Variants in RIMKLB observed in about 807,000 individuals in gnomAD.
The protein encoded by RIMKLB is beta-citrylglutamate synthase B.
A neutral mutation model predicts 32.0 loss-of-function variants in RIMKLB; 7 were observed. The observed-to-expected ratio is 0.22, with a 90% CI of 0.12 to 0.41. The LOEUF (loss-of-function observed/expected upper bound fraction) is 0.41. Among genes scored for constraint, RIMKLB ranks in the 10% least tolerant of loss-of-function variants. RIMKLB has a pLI of 1.00. For synonymous variants in RIMKLB, 172 were observed against 185.1 expected (o/e 0.93, Z 0.57); for missense variants, 289 against 498.7 (o/e 0.58, Z 4.00).
chr12:8,673,995 G>A, the RIMKLB span, among the ~76,000 whole-genome samples: 1 of 152,038 alleles, frequency 6.6e-6, no homozygotes, highest in African/African-American at 2.4e-5. Flanking sequence ...ACCATGTTCT[G>A]TTGGTTCAAA....
chr12:8,776,625 A>G lies in RIMKLB; in HGVS notation c.*2841A>G, dbSNP rs1487423783. ...ACCCATGATGAAAACTGGACTTTAT[A>G]TATCTAAACATACAAGTATGAACTA... is the stretch of plus-strand genomic sequence containing the variant. On this transcript the variant is annotated 3_prime_UTR_variant, in exon 6 of 6. Coordinates refer to ENST00000535829, the MANE Select transcript of RIMKLB (RefSeq NM_001297776.2). 2.2e-6 allele frequency: 2 copies of G among 904,054 alleles called. No individual in the cohort carries two copies. The highest frequency in any genetic ancestry group is 2.6e-6 in the Non-Finnish European group (2 of 756,166). The allele number at this position is 904,054 out of a possible 1,614,324, so 56.0% of individuals were successfully genotyped here.
At chr12:8,712,454 C>G (rs1944454348) in intron 1 of RIMKLB, among the ~76,000 whole-genome samples, 1 of 152,138 alleles carries the variant, frequency 6.6e-6, no homozygotes, top group South Asian at 2.1e-4. Context: ...ATTAAATATT[C>G]AGAACTGCTA....
intron 1 of RIMKLB, among the ~76,000 whole-genome samples, chr12:8,686,639 C>T (rs1209482319): frequency 2.6e-5 from 4 of 151,038 alleles, no homozygotes; most frequent in African/African-American, 9.9e-5. Context: ...GCCACCACGC[C>T]CGGCTAATTT....
chr12:8,779,851 A>G (rs1037909039), downstream of RIMKLB: 2 of 152,152 alleles, frequency 1.3e-5, no homozygotes, highest in African/African-American at 4.8e-5. Context: ...TACAACTGCT[A>G]TTACATTTGT....
chr12:8,768,054 G>A (rs1950113421), intron 5 of RIMKLB, among the ~76,000 whole-genome samples: 2 of 152,182 alleles, frequency 1.3e-5, no homozygotes, highest in Admixed American at 1.3e-4. Flanking sequence ...CTGACCTGGG[G>A]TTCTTGGCCT....
intron 5 of RIMKLB, among the ~76,000 whole-genome samples, chr12:8,771,223 C>CT (rs1362679105): frequency 1.3e-5 from 2 of 152,114 alleles, no homozygotes; most frequent in Non-Finnish European, 2.9e-5. Context: ...CCAGCAAGGC[C>CT]TGTATGTTCA....
At chr12:8,751,871 C>CTGT (rs754666566) in intron 3 of RIMKLB, 86 bp from the exon 4 acceptor site, 31 of 831,456 alleles carry the variant, frequency 3.7e-5, no homozygotes, top group Non-Finnish European at 6.1e-5. Context: ...CTTCCTTGTG[C>CTGT]TGTTGGTTGT....
chr12:8,671,422 T>C, the RIMKLB span, among the ~76,000 whole-genome samples: 1 of 152,060 alleles, frequency 6.6e-6, no homozygotes. Context: ...GATAATTTTG[T>C]ATTTTTTAGT....
chr12:8,775,637 A>G lies in RIMKLB; in HGVS notation c.*1853A>G. 2.0e-6 allele frequency: 2 copies of G among 985,850 alleles called. No individual in the cohort carries two copies. Among genetic ancestry groups the G allele is most frequent in the South Asian group, 4.7e-5 (1 of 21,288 alleles). 61.1% of individuals were successfully genotyped at this position (985,850 alleles called of 1,614,324 possible). On this transcript the variant is annotated 3_prime_UTR_variant, in exon 6 of 6. Transcript: ENST00000535829. Reference sequence around the variant, plus strand: ...AACCAGCTATAACAGAGGTTTGATCATGCTTACTTGTACAGTTTTTCCCCC... The same window carrying G: ...AACCAGCTATAACAGAGGTTTGATCGTGCTTACTTGTACAGTTTTTCCCCC...
intron 2 of RIMKLB, among the ~76,000 whole-genome samples, chr12:8,745,617 C>T (rs979295161): frequency 6.6e-6 from 1 of 151,006 alleles, no homozygotes; most frequent in African/African-American, 2.5e-5. Flanking sequence ...TGGTCTTGAA[C>T]TCCTGACCTC....
At chr12:8,736,099 A>G (rs1946976283) in intron 2 of RIMKLB, among the ~76,000 whole-genome samples, 1 of 152,214 alleles carries the variant, frequency 6.6e-6, no homozygotes, top group Non-Finnish European at 1.5e-5. Context: ...GTTACAACTG[A>G]AAGATTTCTT....
At chr12:8,670,820 C>A in the RIMKLB span, among the ~76,000 whole-genome samples, 1 of 152,270 alleles carries the variant, frequency 6.6e-6, no homozygotes, top group Non-Finnish European at 1.5e-5. Context: ...CTGCAGCAAA[C>A]TTTTGCTTGG....
intron 2 of RIMKLB, among the ~76,000 whole-genome samples, chr12:8,740,859 G>A (rs1378929945): frequency 6.6e-6 from 1 of 152,110 alleles, no homozygotes; most frequent in East Asian, 1.9e-4. Flanking sequence ...GATCACTTGA[G>A]GTCAGGAGTT....
chr12:8,774,149 T>A lies in RIMKLB; in HGVS notation c.*365T>A, dbSNP rs1010026137. On this transcript the variant is annotated 3_prime_UTR_variant, in exon 6 of 6. Transcript: ENST00000535829. ...AAAAAAAATGGTTTTGCTACAAATA[T>A]CCAAGTAGCATAACTTCACATTGTG... 2 of 1,011,346 alleles carry A rather than the reference T, an allele frequency of 2.0e-6. No homozygotes were observed. The highest frequency in any genetic ancestry group is 3.5e-5 in the African/African-American group (2 of 57,958). 62.6% of individuals were successfully genotyped at this position (1,011,346 alleles called of 1,614,324 possible).
downstream of RIMKLB, among the ~76,000 whole-genome samples, chr12:8,781,780 G>C (rs1951069790): frequency 6.6e-6 from 1 of 152,036 alleles, no homozygotes; most frequent in African/African-American, 2.4e-5. Context: ...ATTAGAATTT[G>C]ACTAGACTGA....
chr12:8,728,982 C>T (rs1946297727), intron 2 of RIMKLB, among the ~76,000 whole-genome samples: 1 of 152,092 alleles, frequency 6.6e-6, no homozygotes. Flanking sequence ...CTGCTCCACC[C>T]CTCATGGGAG....
intron 2 of RIMKLB, among the ~76,000 whole-genome samples, chr12:8,717,036 G>A (rs928819440): frequency 2.0e-5 from 3 of 147,790 alleles, no homozygotes; most frequent in East Asian, 3.9e-4. Flanking sequence ...TATATATTCA[G>A]GCATTTCTAG....
intron 2 of RIMKLB, among the ~76,000 whole-genome samples, chr12:8,746,033 C>T (rs1777046304): frequency 6.6e-6 from 1 of 151,836 alleles, no homozygotes; most frequent in Admixed American, 6.6e-5. Flanking sequence ...ACAGTTTTCA[C>T]TCCACCAGTA....
At chr12:8,680,567 T>C, upstream of RIMKLB, among the ~76,000 whole-genome samples, 1 of 152,196 alleles carries the variant, frequency 6.6e-6, no homozygotes, top group Non-Finnish European at 1.5e-5. Context: ...TTCCTTTACT[T>C]TCTTGATAAA....
Sources: allele counts gnomAD v4.1 joint callset (sites outside exome capture counted in the v4.1 genomes callset), GRCh38; gene constraint gnomAD v4.1.1; transcripts MANE v1.5; gene names NCBI Gene and HGNC (gene_info 2026-07-23, HGNC 2026-07-21).